Variants in RBBP4 observed in about 807,000 individuals in gnomAD.
RBBP4 encodes RB binding protein 4, chromatin remodeling factor, also known as histone-binding protein RBBP4.
A neutral mutation model predicts 57.2 loss-of-function variants in RBBP4; 3 were observed. That is an observed-to-expected ratio of 0.05 (90% CI 0.02 to 0.14). RBBP4 has a LOEUF of 0.14. RBBP4 is among the 10% of genes least tolerant of loss of function. The probability of loss-of-function intolerance (pLI) is 1.00; values close to 1 mark genes in which losing one functional copy is unlikely to be tolerated. For missense variants in RBBP4, 107 were observed against 520.6 expected, an observed-to-expected ratio of 0.21 and a Z score of 7.73; for synonymous variants, 151 against 171.5, an observed-to-expected ratio of 0.88 and a Z score of 0.93.
chr1:32,661,516 A>G (rs1231136452), intron 3 of RBBP4, among the ~76,000 whole-genome samples: 1 of 151,400 alleles, frequency 6.6e-6, no homozygotes, highest in Non-Finnish European at 1.5e-5. Flanking sequence ...CTGGTCTCGA[A>G]CTCCCAACCT....
chr1:32,681,704 C>A lies in RBBP4; in HGVS notation c.*1999C>A. On this transcript the variant is annotated 3_prime_UTR_variant, in exon 12 of 12. Transcript: ENST00000373493. ...CTAGAATCTTTTTAAGCAGGTCAGC[C>A]AGTATTTGCAACTTCCACAGGATGA... 7.8e-7 allele frequency: 1 copy of A among 1,276,428 alleles called. No homozygotes were observed. The allele number at this position is 1,276,428 out of a possible 1,614,324, so 79.1% of individuals were successfully genotyped here.
intron 3 of RBBP4, among the ~76,000 whole-genome samples, chr1:32,660,753 T>G (rs1178470813): frequency 6.6e-6 from 1 of 152,130 alleles, no homozygotes; most frequent in Non-Finnish European, 1.5e-5. Flanking sequence ...TTAAAACTTT[T>G]GTCATTCTGG....
chr1:32,653,210 AAATTTGCCTC>A (rs1201537332), intron 2 of RBBP4, among the ~76,000 whole-genome samples: 12 of 152,266 alleles, frequency 7.9e-5, no homozygotes, highest in East Asian at 5.8e-4. Flanking sequence ...AGAGGAAGGA[AAATTTGCCTC>A]AATTTGCCTC....
rs908179045 is a variant in RBBP4 at position 32,651,270 on chromosome 1, G to A, written c.-37G>A. 3 of 1,505,402 alleles carry A rather than the reference G, an allele frequency of 2.0e-6. No homozygotes were observed. Among genetic ancestry groups the A allele is most frequent in the African/African-American group, 1.5e-5 (1 of 68,758 alleles). 93.3% of individuals were successfully genotyped at this position (1,505,402 alleles called of 1,614,324 possible). A position where few individuals can be genotyped will look rare whatever the true frequency, so the allele number is the denominator to read the frequency against. On this transcript the variant is annotated 5_prime_UTR_variant, in exon 1 of 12. Transcript: ENST00000373493. Reference sequence around the variant, plus strand: ...GCAGCCTCCCCGCCCCTCCCGCAACGCTCGACCCCAGGATTCCCCCGGCTC... The same window carrying A: ...GCAGCCTCCCCGCCCCTCCCGCAACACTCGACCCCAGGATTCCCCCGGCTC...
At chr1:32,651,373 C>T (rs1335056780) in intron 1 of RBBP4, 51 bp downstream of exon 1, 8 of 1,404,908 alleles carry the variant, frequency 5.7e-6, no homozygotes, top group Non-Finnish European at 7.4e-6. Flanking sequence ...TGGGCTGAGC[C>T]GCGGCCTCGA....
chr1:32,681,749 G>C lies in RBBP4; in HGVS notation c.*2044G>C. The C allele has an allele frequency of 6.3e-7, 1 of 1,592,758 alleles. No individual in the cohort carries two copies. Among genetic ancestry groups the C allele is most frequent in the Non-Finnish European group, 8.6e-7 (1 of 1,162,724 alleles). On this transcript the variant is annotated 3_prime_UTR_variant, in exon 12 of 12. Transcript: ENST00000373493. Reference sequence around the variant, plus strand: ...GGATGAATTGCTTGCCAAGTTTCTGGCACTCTTGTCTGGTTGGAAGAGTAC... The same window carrying C: ...GGATGAATTGCTTGCCAAGTTTCTGCCACTCTTGTCTGGTTGGAAGAGTAC...
At chr1:32,652,547 G>A (rs1298859253) in intron 2 of RBBP4, 1 of 153,068 alleles carries the variant, frequency 6.5e-6, no homozygotes, top group Admixed American at 6.5e-5. Context: ...AAAATTTTTT[G>A]TTTTTCTTTT....
At chr1:32,664,400 TCTC>T (rs1648558676) in intron 3 of RBBP4, among the ~76,000 whole-genome samples, 1 of 152,126 alleles carries the variant, frequency 6.6e-6, no homozygotes, top group Admixed American at 6.6e-5. Flanking sequence ...AACTGTGGCT[TCTC>T]CTCCTTTGTT....
rs142921788 is a variant in RBBP4 at position 32,675,724 on chromosome 1, G to A, written c.1212+2823G>A. On this transcript the variant is annotated intron_variant, in intron 11 of 11. Coordinates refer to ENST00000373493, the MANE Select transcript of RBBP4 (RefSeq NM_005610.3). ...GCAGGACTTGCAGTGAGCCGAGATC[G>A]TGCCACTGCACTCTAGCCTGGGTGA... is the stretch of plus-strand genomic sequence containing the variant. 1.3e-3 allele frequency among the ~76,000 whole-genome samples: 195 copies of A among 152,116 alleles called. 2 individuals carry two copies. In the East Asian group the frequency reaches 0.027, roughly 21 times the overall value.
Position 32,668,812 on chromosome 1 carries a change from C to T in RBBP4, c.558C>T (p.Asn186=). Residue 186 remains asparagine (N), a synonymous_variant, in exon 5 of 12, where the codon AAC becomes AAT. Coordinates refer to ENST00000373493, the MANE Select transcript of RBBP4 (RefSeq NM_005610.3). ...HQKEGYGLSW[N]PNLSGHLLSA... ...AGGAAGGCTATGGGCTTTCTTGGAA[C>T]CCAAATCTCAGTGGGCACTTACTTA... 3.1e-6 allele frequency: 5 copies of T among 1,614,146 alleles called. No homozygotes were observed. Among genetic ancestry groups the T allele is most frequent in the Non-Finnish European group, 4.2e-6 (5 of 1,180,040 alleles).
chr1:32,656,065 T>A (rs1286658846), intron 2 of RBBP4, among the ~76,000 whole-genome samples: 2 of 152,158 alleles, frequency 1.3e-5, no homozygotes, highest in Non-Finnish European at 2.9e-5. Flanking sequence ...CACTAAATAG[T>A]CAGTTTTAAT....
At position 32,657,702 on chromosome 1, in the gene RBBP4, GTATTTA is replaced by G. The variant is rs376916635; in HGVS notation, c.310+141_310+146del. On this transcript the variant is annotated intron_variant, in intron 3 of 11. Transcript: ENST00000373493. ...GGAAAGCCTGAGTTTGCAATGGTAGGTATTTATATTTATATTAGAGTTTTAGGTATC... is the reference window on the plus strand; with the variant it reads ...GGAAAGCCTGAGTTTGCAATGGTAGGTATTTATATTAGAGTTTTAGGTATC... 259 of 1,032,720 alleles carry G rather than the reference GTATTTA, an allele frequency of 2.5e-4. 2 individuals are homozygous for G. The African/African-American group carries it at 3.7e-3, about 15-fold the overall frequency. 64.0% of individuals were successfully genotyped at this position (1,032,720 alleles called of 1,614,324 possible).
At chr1:32,673,528 C>A in intron 11 of RBBP4, 1 of 414,668 alleles carries the variant, frequency 2.4e-6, no homozygotes, top group South Asian at 1.7e-5. Context: ...ACTTCCACCT[C>A]CCAGGTTCGA....
At position 32,682,724 on chromosome 1, in the gene RBBP4, C is replaced by A. The variant is rs997365359; in HGVS notation, c.*3019C>A. On this transcript the variant is annotated 3_prime_UTR_variant, in exon 12 of 12. Transcript: ENST00000373493. Reference sequence around the variant, plus strand: ...AGGTGGAGGTTGCAGTGAACTGAGACCGTGCCACTGCACTCCAGCCTGGGT... The same window carrying A: ...AGGTGGAGGTTGCAGTGAACTGAGAACGTGCCACTGCACTCCAGCCTGGGT... The A allele has an allele frequency of 6.6e-6, 1 of 151,016 alleles. No homozygotes were observed. Among genetic ancestry groups the A allele is most frequent in the Non-Finnish European group, 1.5e-5 (1 of 67,884 alleles). The allele number at this position is 151,016 out of a possible 1,614,324, so 9.4% of individuals were successfully genotyped here.
intron 2 of RBBP4, among the ~76,000 whole-genome samples, chr1:32,653,859 C>T (rs970070270): frequency 6.6e-6 from 1 of 151,558 alleles, no homozygotes; most frequent in Non-Finnish European, 1.5e-5. Flanking sequence ...GGGGTTTCAC[C>T]GTGTTAGCCA....
At chr1:32,652,744 C>T (rs1364048362) in intron 2 of RBBP4, among the ~76,000 whole-genome samples, 2 of 152,050 alleles carry the variant, frequency 1.3e-5, no homozygotes, top group Non-Finnish European at 2.9e-5. Flanking sequence ...GGGGTTTTAC[C>T]ATGTGGGACA....
Position 32,669,058 on chromosome 1 carries a change from A to G in RBBP4, c.687A>G (p.Val229=). 1.2e-6 allele frequency: 2 copies of G among 1,614,150 alleles called. No homozygotes were observed. Among genetic ancestry groups the G allele is most frequent in the Non-Finnish European group, 1.7e-6 (2 of 1,179,998 alleles). ...AKTIFTGHTA[V]VEDVSWHLLH... ...CCATCTTTACAGGGCATACGGCAGT[A>G]GTAGAAGATGTTTCCTGGCATCTAC... The change falls in exon 6 of 12, where the codon GTA becomes GTG. Residue 229 remains valine, a synonymous_variant. Transcript: ENST00000373493. This position sits in a 1 kb window ranked among gnomAD's most constrained non-coding sequence, Gnocchi z 4.9.
chr1:32,653,652 T>TG (rs1648001209), intron 2 of RBBP4, among the ~76,000 whole-genome samples: 12 of 40,096 alleles, frequency 3.0e-4, no homozygotes, highest in African/African-American at 1.1e-3. Context: ...TTTTTTTTTT[T>TG]TTTTTTTGTT....
chr1:32,668,119 C>T, intron 3 of RBBP4, 106 bp from the exon 4 acceptor site: 1 of 1,047,086 alleles, frequency 9.6e-7, no homozygotes, highest in East Asian at 2.6e-5. Context: ...TAGTATTATG[C>T]CAGTTTGTTG....
Sources: gnomAD v4.1 joint callset for allele counts (sites outside exome capture counted in the v4.1 genomes callset) on GRCh38, gnomAD v4.1.1 for gene constraint, Gnocchi (gnomAD v3.1) non-coding constraint, MANE v1.5 for transcripts, NCBI Gene and HGNC (gene_info 2026-07-23, HGNC 2026-07-21) for gene names.